HPGD: variants seen among roughly 807,000 people sequenced by gnomAD.
HPGD encodes 15-hydroxyprostaglandin dehydrogenase [NAD(+)].
Under a neutral mutation model 30.0 loss-of-function variants are expected in HPGD, and 29 were observed. The ratio of observed to expected loss-of-function variants is 0.97; its 90% CI spans 0.72 to 1.32. HPGD has a LOEUF of 1.32. Ranked by LOEUF, HPGD falls within the 40% of genes most tolerant of loss-of-function variation. The pLI, the probability that HPGD is intolerant of heterozygous loss-of-function variation, is 0.00. For synonymous variants in HPGD, 99 were observed against 112.4 expected (o/e 0.88, Z 0.75); for missense variants, 340 against 322.1 (o/e 1.06, Z -0.43).
intron 3 of HPGD, 51 bp downstream of exon 3, chr4:174,517,917 AAAC>A: frequency 1.1e-6 from 1 of 949,544 alleles, no homozygotes; most frequent in Non-Finnish European, 1.7e-6. Context: ...TTTTCTTTAC[AAAC>A]ATCATGTTAT....
In HPGD at chr4:174,522,482, C is replaced by A. The variant is rs1256671570; in HGVS notation, c.-31G>T. The A allele has an allele frequency of 6.7e-7, 1 of 1,503,494 alleles. No homozygotes were observed. 93.1% of individuals were successfully genotyped at this position (1,503,494 alleles called of 1,614,324 possible). A position where few individuals can be genotyped will look rare whatever the true frequency, so the allele number is the denominator to read the frequency against. On this transcript the variant is annotated 5_prime_UTR_variant, in exon 1 of 7. Coordinates refer to ENST00000296522, the MANE Select transcript of HPGD (RefSeq NM_000860.6). ...AGCCACTGCTGGGGCGGGCGGTGGG[C>A]GAGCTCCGCGTCTCCGCGCGGCCGC...
intron 3 of HPGD, among the ~76,000 whole-genome samples, chr4:174,509,858 G>C (rs192694133): frequency 2.0e-5 from 3 of 148,874 alleles, no homozygotes; most frequent in Non-Finnish European, 3.0e-5. Context: ...TGACTGTTTT[G>C]CCACTTATAT....
chr4:174,507,631 G>A (rs1393707747), intron 4 of HPGD: 1 of 152,260 alleles, frequency 6.6e-6, no homozygotes, highest in Non-Finnish European at 1.5e-5. Flanking sequence ...TCACTTTTTT[G>A]GACAAGATAG....
chr4:174,503,973 C>T lies in HPGD; in HGVS notation c.421+4723G>A, dbSNP rs577972745. Among the ~76,000 whole-genome samples, 5 of 152,270 alleles carry T rather than the reference C, an allele frequency of 3.3e-5. No individual in the cohort carries two copies. The East Asian group carries it at 9.7e-4, about 29-fold the overall frequency. ...TCCTGGCCTCAAGTGATCCTCCTGCCTTGGCCTCCCAAAGCATTGTGATTA... is the reference window on the plus strand; with the variant it reads ...TCCTGGCCTCAAGTGATCCTCCTGCTTTGGCCTCCCAAAGCATTGTGATTA... On this transcript the variant is annotated intron_variant, in intron 4 of 6. Coordinates refer to ENST00000296522, the MANE Select transcript of HPGD (RefSeq NM_000860.6).
At chr4:174,493,033 A>G in intron 6 of HPGD, 118 bp downstream of exon 6, 1 of 972,988 alleles carries the variant, frequency 1.0e-6, no homozygotes, top group Non-Finnish European at 1.5e-6. Flanking sequence ...GCCAAACCAA[A>G]AGTTTGAAGC....
chr4:174,495,814 C>T (rs554345237), intron 4 of HPGD, 190 bp from the exon 5 acceptor site: 3 of 611,170 alleles, frequency 4.9e-6, no homozygotes, highest in African/African-American at 1.8e-5. Context: ...CTCCATGACC[C>T]GTGTCGTCCA....
intron 2 of HPGD, among the ~76,000 whole-genome samples, chr4:174,519,875 C>A (rs989606857): frequency 6.6e-6 from 1 of 152,146 alleles, no homozygotes; most frequent in Non-Finnish European, 1.5e-5. Flanking sequence ...CACACAGACG[C>A]GAGTGAAAGT....
chr4:174,511,932 C>T (rs942930615), intron 3 of HPGD, among the ~76,000 whole-genome samples: 8 of 152,328 alleles, frequency 5.3e-5, no homozygotes, highest in Non-Finnish European at 1.0e-4. Context: ...AGGCGTGAGT[C>T]ACCGCTCCCG....
intron 2 of HPGD, among the ~76,000 whole-genome samples, chr4:174,519,809 A>C (rs1228411575): frequency 6.6e-6 from 1 of 151,974 alleles, no homozygotes; most frequent in East Asian, 1.9e-4. Flanking sequence ...GCCAGCCTGC[A>C]CCCAGGTGAA....
chr4:174,510,233 A>G (rs1287609133), intron 3 of HPGD, among the ~76,000 whole-genome samples: 1 of 152,072 alleles, frequency 6.6e-6, no homozygotes, highest in Non-Finnish European at 1.5e-5. Context: ...ACAAAAAAGG[A>G]AATTGGAGGT....
chr4:174,521,225 C>CAAAA (rs35013459), intron 2 of HPGD, among the ~76,000 whole-genome samples: 1 of 76,828 alleles, frequency 1.3e-5, no homozygotes, highest in African/African-American at 4.1e-5. Context: ...AATAGATGTA[C>CAAAA]AAAAAAAAAA....
chr4:174,501,209 C>T (rs1334526621), intron 4 of HPGD, among the ~76,000 whole-genome samples: 3 of 152,000 alleles, frequency 2.0e-5, no homozygotes, highest in Non-Finnish European at 4.4e-5. Context: ...GAGCCAGATA[C>T]CAGTATAATG....
chr4:174,509,999 T>C (rs1475064540), intron 3 of HPGD, among the ~76,000 whole-genome samples: 1 of 152,194 alleles, frequency 6.6e-6, no homozygotes, highest in Non-Finnish European at 1.5e-5. Context: ...TTCCTATCCC[T>C]TCCAGCTCAG....
chr4:174,512,110 T>C (rs1735537631), intron 3 of HPGD, among the ~76,000 whole-genome samples: 1 of 152,104 alleles, frequency 6.6e-6, no homozygotes, highest in Non-Finnish European at 1.5e-5. Flanking sequence ...GGAGTAAATT[T>C]GATAAGGAGT....
Position 174,491,566 on chromosome 4 carries a change from T to G in HPGD, c.*390A>C, listed in dbSNP as rs571172747. ...TCCTCTTTTAAAGTATGAACTTGTATGTGAGTGTTTTACATCTGGTTTGAT... is the reference window on the plus strand; with the variant it reads ...TCCTCTTTTAAAGTATGAACTTGTAGGTGAGTGTTTTACATCTGGTTTGAT... On this transcript the variant is annotated 3_prime_UTR_variant, in exon 7 of 7. Coordinates refer to ENST00000296522, the MANE Select transcript of HPGD (RefSeq NM_000860.6). The G allele has an allele frequency of 1.6e-5, 3 of 187,074 alleles. No individual in the cohort carries two copies. The Admixed American group carries it at 1.7e-4, about 10-fold the overall frequency. The allele number at this position is 187,074 out of a possible 1,614,324, so 11.6% of individuals were successfully genotyped here.
chr4:174,502,565 C>G (rs1734964097), intron 4 of HPGD, among the ~76,000 whole-genome samples: 1 of 151,682 alleles, frequency 6.6e-6, no homozygotes, highest in East Asian at 2.0e-4. Flanking sequence ...GTAGTCTCAG[C>G]TACTCAGGAG....
chr4:174,495,272 G>A (rs1239230717), intron 5 of HPGD: 1 of 433,620 alleles, frequency 2.3e-6, no homozygotes, highest in Non-Finnish European at 4.2e-6. Flanking sequence ...TCCATTTGGG[G>A]TCATTTTTGG....
intron 3 of HPGD, among the ~76,000 whole-genome samples, chr4:174,515,400 C>T (rs1255594014): frequency 6.6e-6 from 1 of 152,066 alleles, no homozygotes; most frequent in Non-Finnish European, 1.5e-5. Flanking sequence ...TTGACAAAAA[C>T]GAGCATGGGG....
chr4:174,510,711 A>C (rs892397674), intron 3 of HPGD, among the ~76,000 whole-genome samples: 1 of 152,220 alleles, frequency 6.6e-6, no homozygotes, highest in Admixed American at 6.5e-5. Context: ...TGAATCTACA[A>C]GACAGGGTCT....
Sources: allele counts gnomAD v4.1 joint callset (sites outside exome capture counted in the v4.1 genomes callset), GRCh38; gene constraint gnomAD v4.1.1; transcripts MANE v1.5; gene names NCBI Gene and HGNC (gene_info 2026-07-23, HGNC 2026-07-21).